Variants in IFRD1 observed in about 807,000 individuals in gnomAD.
IFRD1 encodes the protein interferon-related developmental regulator 1.
In IFRD1, 35 loss-of-function variants were observed where a neutral mutation model predicts 52.9. The observed-to-expected ratio is 0.66, with a 90% confidence interval of 0.51 to 0.88. IFRD1 has a LOEUF of 0.88. IFRD1 is among the 40% of genes least tolerant of loss of function. The pLI, the probability that IFRD1 is intolerant of heterozygous loss-of-function variation, is 0.00. For synonymous variants in IFRD1, 184 were observed against 188.4 expected (o/e 0.98, Z 0.19); for missense variants, 517 against 550.8 (o/e 0.94, Z 0.61).
chr7:112,460,332 C>T (rs1001028837), intron 5 of IFRD1, among the ~76,000 whole-genome samples: 4 of 149,954 alleles, frequency 2.7e-5, no homozygotes, highest in Admixed American at 6.7e-5. Context: ...GCAGCCTCCA[C>T]CTCCTGGGCT....
intron 5 of IFRD1, chr7:112,461,337 A>C (rs1795426572): frequency 6.6e-6 from 1 of 152,334 alleles, no homozygotes; most frequent in African/African-American, 2.4e-5. Context: ...ATGGAATTGT[A>C]ATGTGTTTTA....
rs561388396 is a variant in IFRD1 at position 112,426,627 on chromosome 7, A to T, written c.-182+3195A>T. 2.7e-4 allele frequency among the ~76,000 whole-genome samples: 41 copies of T among 152,220 alleles called. No individual in the cohort carries two copies. In the South Asian group the frequency reaches 8.3e-3, roughly 31 times the overall value. ...CTTGGCCAAGGGGATTCCAAAGTTA[A>T]CCTAAAAAATTAATTCAGGCCATGA... On this transcript the variant is annotated intron_variant, in intron 1 of 12. Coordinates refer to the IFRD1 transcript ENST00000005558.
upstream of IFRD1, among the ~76,000 whole-genome samples, chr7:112,448,803 G>A (rs976956432): frequency 6.6e-6 from 1 of 152,204 alleles, no homozygotes; most frequent in Non-Finnish European, 1.5e-5. Flanking sequence ...TCAGGAAGGT[G>A]GCAGCATGAG....
chr7:112,451,071 C>T lies in IFRD1; in HGVS notation c.94+289C>T, dbSNP rs1584484734. The T allele has an allele frequency of 2.4e-5, 10 of 415,362 alleles. No individual in the cohort carries two copies. The East Asian group carries it at 4.2e-4, about 18-fold the overall frequency. The allele number at this position is 415,362 out of a possible 1,614,324, so 25.7% of individuals were successfully genotyped here. ...GGACAGGGGCTGACCGGGAGCTGGG[C>T]GGGAAAGGAACCATTGTCAGAGTTC... On this transcript the variant is annotated intron_variant, in intron 1 of 11. Transcript: ENST00000403825.
At chr7:112,458,274 G>A (rs1172904186) in intron 4 of IFRD1, 1 of 149,640 alleles carries the variant, frequency 6.7e-6, no homozygotes, top group Non-Finnish European at 1.5e-5. Context: ...TGTATTTTTT[G>A]TACCACTGCA....
intron 8 of IFRD1, among the ~76,000 whole-genome samples, chr7:112,464,066 T>C (rs1363903152): frequency 6.6e-6 from 1 of 151,010 alleles, no homozygotes; most frequent in Admixed American, 6.6e-5. Flanking sequence ...AATAAGCTTT[T>C]TATATGTGGG....
rs1030995103 is a variant in IFRD1, at chr7:112,462,074, T to C, written c.692T>C (p.Val231Ala). The change falls in exon 7 of 12, where the codon GTT (valine) becomes GCT (alanine). Residue 231 changes from valine to alanine, a missense_variant. Coordinates refer to ENST00000403825, the MANE Select transcript of IFRD1 (RefSeq NM_001550.4). ...TATCTCAAAGAGAAAGACACTACTG[T>C]TATTTGCAGCACTCCTAATACAGTG... ...KSYLKEKDTT[V>A]ICSTPNTVLH... is the part of the protein sequence containing the mutation. 5 of 1,613,474 alleles carry C rather than the reference T, an allele frequency of 3.1e-6. No individual in the cohort carries two copies. Among genetic ancestry groups the C allele is most frequent in the African/African-American group, 1.3e-5 (1 of 75,030 alleles).
chr7:112,474,184 C>T lies in IFRD1; in HGVS notation c.1267-1246C>T, dbSNP rs187096594. ...ATTTGGGCTGTTTGCATCTTTTGGC[C>T]GTTGTGAATAGTGTTGCTCTGAACA... On this transcript the variant is annotated intron_variant, in intron 11 of 11. Coordinates refer to ENST00000403825, the MANE Select transcript of IFRD1 (RefSeq NM_001550.4). Among the ~76,000 whole-genome samples, 10 of 152,240 alleles carry T rather than the reference C, an allele frequency of 6.6e-5. 1 individual carries two copies. The East Asian group carries it at 1.5e-3, about 23-fold the overall frequency.
At chr7:112,473,261 A>G (rs138588657) in intron 11 of IFRD1, among the ~76,000 whole-genome samples, 5 of 152,218 alleles carry the variant, frequency 3.3e-5, no homozygotes, top group Admixed American at 6.5e-5. Context: ...AACGGTGTTC[A>G]TTATTTGTTT....
At chr7:112,443,924 CA>C (rs1213859214) in intron 1 of IFRD1, among the ~76,000 whole-genome samples, 1 of 144,124 alleles carries the variant, frequency 6.9e-6, no homozygotes, top group East Asian at 2.0e-4. Context: ...AAAACAAAAA[CA>C]AAAAAACAAA....
chr7:112,426,348 C>T (rs575873728), intron 1 of IFRD1, among the ~76,000 whole-genome samples: 71 of 152,306 alleles, frequency 4.7e-4, no homozygotes, highest in Admixed American at 9.2e-4. Flanking sequence ...TTCCCTTAAG[C>T]TGACTACTTG....
chr7:112,433,487 G>T (rs1159124377), intron 1 of IFRD1, among the ~76,000 whole-genome samples: 1 of 152,188 alleles, frequency 6.6e-6, no homozygotes, highest in African/African-American at 2.4e-5. Flanking sequence ...CAACAGTGTT[G>T]TTATCTCCAG....
At chr7:112,470,205 T>C (rs1047350557) in intron 9 of IFRD1, among the ~76,000 whole-genome samples, 46 of 152,322 alleles carry the variant, frequency 3.0e-4, no homozygotes, top group African/African-American at 9.6e-4. Context: ...TAGAATAGTC[T>C]CCTTCTAAAG....
chr7:112,468,903 T>G (rs1795680863), intron 9 of IFRD1, among the ~76,000 whole-genome samples: 1 of 152,254 alleles, frequency 6.6e-6, no homozygotes, highest in African/African-American at 2.4e-5. Context: ...GAATTTCTTC[T>G]GTAATCCTCA....
intron 1 of IFRD1, among the ~76,000 whole-genome samples, chr7:112,433,335 G>A (rs915315133): frequency 7.2e-5 from 11 of 152,200 alleles, no homozygotes; most frequent in Admixed American, 2.6e-4. Flanking sequence ...ATCATAGGAA[G>A]GTGAAGCTGT....
At chr7:112,440,632 G>A (rs1794858328) in intron 1 of IFRD1, among the ~76,000 whole-genome samples, 1 of 152,146 alleles carries the variant, frequency 6.6e-6, no homozygotes, top group Non-Finnish European at 1.5e-5. Context: ...CAAAGTGTTA[G>A]AGAATCTGTT....
At position 112,462,136 on chromosome 7, in the gene IFRD1, C is replaced by T; in HGVS notation, c.754C>T (p.Leu252=). 6.2e-7 allele frequency: 1 copy of T among 1,613,806 alleles called. No individual in the cohort carries two copies. The highest frequency in any genetic ancestry group is 8.5e-7 in the Non-Finnish European group (1 of 1,179,824). The part of the protein sequence containing the change: ...ISSLLAWTLL[L]TICPINEVKK... Reference sequence around the variant, plus strand: ...CTCTCTTCTTGCATGGACACTACTGCTGACCATATGCCCAATCAATGAAGT... The same window carrying T: ...CTCTCTTCTTGCATGGACACTACTGTTGACCATATGCCCAATCAATGAAGT... The change falls in exon 7 of 12, where the codon CTG becomes TTG. Residue 252 remains leucine (L), a synonymous_variant. Coordinates refer to ENST00000403825, the MANE Select transcript of IFRD1 (RefSeq NM_001550.4).
chr7:112,439,685 T>A (rs1416176766), intron 1 of IFRD1, among the ~76,000 whole-genome samples: 1 of 152,202 alleles, frequency 6.6e-6, no homozygotes, highest in East Asian at 1.9e-4. Flanking sequence ...CATTTGTATT[T>A]CTCTTGGGAA....
chr7:112,448,566 A>C (rs1358267410), upstream of IFRD1, among the ~76,000 whole-genome samples: 1 of 152,150 alleles, frequency 6.6e-6, no homozygotes, highest in South Asian at 2.1e-4. Flanking sequence ...ACAAGGAGTC[A>C]GTGTGAGCTG....
Sources: gnomAD v4.1 joint callset for allele counts (sites outside exome capture counted in the v4.1 genomes callset) on GRCh38, gnomAD v4.1.1 for gene constraint, MANE v1.5 for transcripts, NCBI Gene and HGNC (gene_info 2026-07-23, HGNC 2026-07-21) for gene names.